Variants in DRC9 observed in about 807,000 individuals in gnomAD.
DRC9 encodes the protein dynein regulatory complex protein 9.
At chr3:197,951,334 T>C in the DRC9 span, 1 of 1,612,958 alleles carries the variant, frequency 6.2e-7, no homozygotes, top group Non-Finnish European at 8.5e-7. Context: ...CACTGGTAGG[T>C]TTTGGGTTTT....
chr3:197,906,888 C>T, the DRC9 span, among the ~76,000 whole-genome samples: 1 of 152,150 alleles, frequency 6.6e-6, no homozygotes, highest in East Asian at 1.9e-4. Context: ...GCTACCAGAC[C>T]CAGAATTTTT....
chr3:197,892,363 T>A, the DRC9 span, among the ~76,000 whole-genome samples: 1 of 152,196 alleles, frequency 6.6e-6, no homozygotes, highest in East Asian at 1.9e-4. Context: ...GAGTAGGCAC[T>A]ACGTAAGTTA....
chr3:197,948,764 C>T, the DRC9 span, among the ~76,000 whole-genome samples: 6 of 152,188 alleles, frequency 3.9e-5, no homozygotes, highest in Admixed American at 6.5e-5. Flanking sequence ...CATACAACTT[C>T]GGAGTCATAC....
chr3:197,914,861 C>T, the DRC9 span, among the ~76,000 whole-genome samples: 3 of 152,004 alleles, frequency 2.0e-5, no homozygotes, highest in Admixed American at 6.6e-5. Flanking sequence ...CAGGTAAGCC[C>T]ACCACATGAA....
chr3:197,903,313 C>A, the DRC9 span, among the ~76,000 whole-genome samples: 50 of 152,290 alleles, frequency 3.3e-4, no homozygotes, highest in African/African-American at 1.2e-3. Flanking sequence ...GCACGAGCAA[C>A]CAAAGCAAAA....
chr3:197,919,395 G>A, the DRC9 span, among the ~76,000 whole-genome samples: 1 of 152,216 alleles, frequency 6.6e-6, no homozygotes, highest in African/African-American at 2.4e-5. Context: ...CAGCCTAGAA[G>A]CAGTGGGGTA....
At chr3:197,913,770 G>T in the DRC9 span, 1 of 1,135,676 alleles carries the variant, frequency 8.8e-7, no homozygotes, top group South Asian at 1.2e-5. Context: ...GGCTGTTGCC[G>T]ATAGAGATGG....
the DRC9 span, among the ~76,000 whole-genome samples, chr3:197,920,735 T>C: frequency 1.3e-5 from 2 of 152,376 alleles, no homozygotes; most frequent in East Asian, 3.9e-4. Flanking sequence ...GATAGATTTT[T>C]ATATATGAAT....
At chr3:197,955,319 A>G in the DRC9 span, among the ~76,000 whole-genome samples, 1 of 149,280 alleles carries the variant, frequency 6.7e-6, no homozygotes, top group African/African-American at 2.5e-5. Flanking sequence ...ACCAGGCTGG[A>G]GTGCAGTGGT....
chr3:197,903,080 A>C, the DRC9 span, among the ~76,000 whole-genome samples: 1 of 152,218 alleles, frequency 6.6e-6, no homozygotes, highest in Non-Finnish European at 1.5e-5. Flanking sequence ...CACTGGGGAA[A>C]GGATAGTCCT....
At chr3:197,913,745 A>C in the DRC9 span, 1 of 931,448 alleles carries the variant, frequency 1.1e-6, no homozygotes, top group Non-Finnish European at 1.8e-6. Flanking sequence ...TTTTATTTTC[A>C]ACCTCAAGTG....
the DRC9 span, chr3:197,949,853 T>G: frequency 1.3e-5 from 5 of 390,318 alleles, no homozygotes. Flanking sequence ...AATCATTCTT[T>G]AGGCAGCGGG....
At chr3:197,934,183 C>CTTT in the DRC9 span, among the ~76,000 whole-genome samples, 7 of 99,468 alleles carry the variant, frequency 7.0e-5, no homozygotes, top group African/African-American at 2.9e-4. Flanking sequence ...CATTCTGGGT[C>CTTT]TTTTTTTTTT....
chr3:197,934,183 C>CTTTTTTTT, the DRC9 span, among the ~76,000 whole-genome samples: 114 of 99,454 alleles, frequency 1.1e-3, 12 homozygotes, highest in South Asian at 6.1e-3. Flanking sequence ...CATTCTGGGT[C>CTTTTTTTT]TTTTTTTTTT....
At chr3:197,909,586 TATATTCTA>T in the DRC9 span, among the ~76,000 whole-genome samples, 1,875 of 152,358 alleles carry the variant, frequency 0.012, 37 homozygotes, top group African/African-American at 0.043. Flanking sequence ...GAGTGTGAGA[TATATTCTA>T]TCAATCAGCT....
the DRC9 span, chr3:197,932,103 A>G: frequency 6.6e-7 from 1 of 1,513,880 alleles, no homozygotes; most frequent in South Asian, 1.2e-5. Flanking sequence ...TTTAAAATTC[A>G]AGGATTTCCA....
At chr3:197,954,220 G>C in the DRC9 span, 2 of 1,522,474 alleles carry the variant, frequency 1.3e-6, no homozygotes, top group South Asian at 1.1e-5. Context: ...TTTGACTTCT[G>C]AGGACTTCTG....
chr3:197,941,666 T>C, the DRC9 span, among the ~76,000 whole-genome samples: 12 of 148,270 alleles, frequency 8.1e-5, no homozygotes, highest in East Asian at 2.0e-4. Flanking sequence ...GCTCAAATGA[T>C]CCTCCCATAT....
chr3:197,956,624 G>GTTTTTTTTTTTTTTTTTTTTTTTT, the DRC9 span: 2 of 135,188 alleles, frequency 1.5e-5, no homozygotes, highest in African/African-American at 5.5e-5. Flanking sequence ...TTGCTGTATG[G>GTTTTTTTTTTTTTTTTTTTTTTTT]TTTTTTTTTT....
Sources: gnomAD v4.1 joint callset for allele counts (sites outside exome capture counted in the v4.1 genomes callset) on GRCh38, gnomAD v4.1.1 for gene constraint, MANE v1.5 for transcripts, NCBI Gene and HGNC (gene_info 2026-07-23, HGNC 2026-07-21) for gene names.